The following MAML2 variants were observed in gnomAD, a reference collection of about 807,000 sequenced individuals.
MAML2 encodes the protein mastermind like transcriptional coactivator 2, also known as mastermind-like protein 2.
In MAML2, 22 loss-of-function variants were observed where a neutral mutation model predicts 96.1. That is an observed-to-expected ratio of 0.23 (90% CI 0.16 to 0.33). The LOEUF (loss-of-function observed/expected upper bound fraction) is 0.33. Among genes scored for constraint, MAML2 ranks in the 10% least tolerant of loss-of-function variants. The pLI, the probability that MAML2 is intolerant of heterozygous loss-of-function variation, is 1.00. For missense variants in MAML2, 1,367 were observed against 1,392.4 expected, an observed-to-expected ratio of 0.98 and a Z score of 0.29; for synonymous variants, 561 against 521.3, an observed-to-expected ratio of 1.08 and a Z score of -1.04.
chr11:96,002,035 G>C (rs566795973), intron 2 of MAML2, among the ~76,000 whole-genome samples: 12 of 152,078 alleles, frequency 7.9e-5, no homozygotes, highest in African/African-American at 2.9e-4. Context: ...TTTTTTTCAG[G>C]AAGCCTTCTC....
intron 4 of MAML2, among the ~76,000 whole-genome samples, chr11:95,982,850 A>T (rs781660375): frequency 3.3e-5 from 5 of 152,080 alleles, no homozygotes; most frequent in Non-Finnish European, 7.4e-5. Flanking sequence ...TTTAGAGGAC[A>T]CTCTAAAATA....
chr11:96,057,403 A>G (rs75052682), intron 2 of MAML2, among the ~76,000 whole-genome samples: 1 of 152,098 alleles, frequency 6.6e-6, no homozygotes, highest in African/African-American at 2.4e-5. Flanking sequence ...CCATTTATCT[A>G]TCCATCTATT....
intron 1 of MAML2, among the ~76,000 whole-genome samples, chr11:96,153,577 G>A (rs1479627288): frequency 6.6e-6 from 1 of 152,112 alleles, no homozygotes; most frequent in African/African-American, 2.4e-5. Context: ...AAGCAAGTGA[G>A]GTAGTGGCCT....
chr11:96,065,364 G>A (rs944133426), intron 2 of MAML2, among the ~76,000 whole-genome samples: 2 of 151,846 alleles, frequency 1.3e-5, no homozygotes, highest in African/African-American at 4.8e-5. Flanking sequence ...GTCAGTCCTG[G>A]TATACAGCAC....
intron 1 of MAML2, among the ~76,000 whole-genome samples, chr11:96,102,650 C>G (rs1207799942): frequency 6.6e-6 from 1 of 152,144 alleles, no homozygotes; most frequent in African/African-American, 2.4e-5. Context: ...CCCATGTAGT[C>G]TACTACATTA....
Position 95,979,181 on chromosome 11 carries a change from G to T in MAML2, c.3238C>A (p.Pro1080Thr). The change falls in exon 5 of 5, where the codon CCA becomes ACA. Residue 1080 changes from proline to threonine, a missense_variant. Physicochemically the swap from Pro to Thr is conservative, Grantham distance 38. Coordinates refer to ENST00000524717, the MANE Select transcript of MAML2 (RefSeq NM_032427.4). The stretch of plus-strand genomic sequence containing the variant: ...GGAAAATTGCTGGGCGTCAGGGATG[G>T]TGGCTGGTTGATGCCCGTCCTCGAC... The part of the protein sequence containing the change: ...NQSRTGINQP[P>T]SLTPSNFPSP... 1 of 1,613,984 alleles carries T rather than the reference G, an allele frequency of 6.2e-7. No homozygotes were observed. The highest frequency in any genetic ancestry group is 8.5e-7 in the Non-Finnish European group (1 of 1,179,886).
At chr11:96,174,304 C>CT (rs1861348497) in intron 1 of MAML2, among the ~76,000 whole-genome samples, 1 of 152,260 alleles carries the variant, frequency 6.6e-6, no homozygotes. Flanking sequence ...TCTGTGAACA[C>CT]TCCCCCAGGA....
At chr11:96,106,383 A>G (rs914475044) in intron 1 of MAML2, among the ~76,000 whole-genome samples, 3 of 152,222 alleles carry the variant, frequency 2.0e-5, no homozygotes, top group Non-Finnish European at 1.5e-5. Flanking sequence ...GAACACGCTT[A>G]TGAATTTCTT....
At chr11:96,230,522 C>A (rs915609546) in intron 1 of MAML2, among the ~76,000 whole-genome samples, 3 of 152,158 alleles carry the variant, frequency 2.0e-5, no homozygotes, top group Non-Finnish European at 4.4e-5. Context: ...ATCCTATATG[C>A]AGAGTTGAAG....
At chr11:95,998,141 A>AGTCAGTCTGTCTGTCT (rs369718219) in intron 2 of MAML2, among the ~76,000 whole-genome samples, 16 of 143,544 alleles carry the variant, frequency 1.1e-4, no homozygotes, top group Admixed American at 7.7e-4. Context: ...TCTGTCTGTC[A>AGTCAGTCTGTCTGTCT]GTCTGTCTGT....
chr11:96,045,838 G>A (rs1045982807), intron 2 of MAML2, among the ~76,000 whole-genome samples: 1 of 150,702 alleles, frequency 6.6e-6, no homozygotes, highest in African/African-American at 2.4e-5. Context: ...GTAATAATGG[G>A]ATTTTTTTTC....
chr11:96,328,824 C>G (rs1000592717), intron 1 of MAML2, among the ~76,000 whole-genome samples: 6 of 151,930 alleles, frequency 3.9e-5, no homozygotes, highest in African/African-American at 1.5e-4. Context: ...AGGGTTTTAG[C>G]GATAAGAAAA....
intron 2 of MAML2, among the ~76,000 whole-genome samples, chr11:96,020,387 A>C (rs1356625387): frequency 6.6e-6 from 1 of 152,224 alleles, no homozygotes; most frequent in Non-Finnish European, 1.5e-5. Flanking sequence ...ACTCAGATTT[A>C]TAAAGGTCTC....
chr11:96,128,399 G>A (rs1302845691), intron 1 of MAML2, among the ~76,000 whole-genome samples: 1 of 151,576 alleles, frequency 6.6e-6, no homozygotes, highest in African/African-American at 2.4e-5. Context: ...CTCAGTCTCG[G>A]GAAAAAAAAA....
At position 95,979,287 on chromosome 11, in the gene MAML2, G is replaced by T; in HGVS notation, c.3132C>A (p.Leu1044=). The T allele has an allele frequency of 3.7e-6, 6 of 1,613,950 alleles. No individual in the cohort carries two copies. The highest frequency in any genetic ancestry group is 5.1e-6 in the Non-Finnish European group (6 of 1,179,882). Residue 1044 remains leucine (L), a synonymous_variant, in exon 5 of 5, where the codon CTC becomes CTA. Transcript: ENST00000524717. The part of the protein sequence containing the change: ...QTLNGQTMGP[L]RGLNLRPNQL... ...GATTGGGTCTGAGATTCAGACCCCT[G>T]AGGGGACCCATGGTTTGCCCATTTA...
rs7934999 is a variant in MAML2 at position 96,260,584 on chromosome 11, C to G, written c.513+80799G>C. ...TGCCCTCACTCCTCCCTCCAGTCTGCCAATGTGATACCTGCAGTTTAAGAC... is the reference window on the plus strand; with the variant it reads ...TGCCCTCACTCCTCCCTCCAGTCTGGCAATGTGATACCTGCAGTTTAAGAC... On this transcript the variant is annotated intron_variant, in intron 1 of 4. Transcript: ENST00000524717. Among the ~76,000 whole-genome samples the G allele has an allele frequency of 9.4e-3, 1,434 of 152,180 alleles. 23 individuals carry two copies. Among genetic ancestry groups the G allele is most frequent in the African/African-American group, 0.032 (1,312 of 41,512 alleles).
intron 1 of MAML2, among the ~76,000 whole-genome samples, chr11:96,128,942 G>T (rs982323496): frequency 6.6e-6 from 1 of 152,160 alleles, no homozygotes; most frequent in African/African-American, 2.4e-5. Flanking sequence ...GTCTCAGTAT[G>T]GCTCAGGCTG....
chr11:96,021,995 A>T (rs1858443366), intron 2 of MAML2, among the ~76,000 whole-genome samples: 1 of 152,118 alleles, frequency 6.6e-6, no homozygotes, highest in Non-Finnish European at 1.5e-5. Flanking sequence ...AACCTGGTTC[A>T]GGTTGAAGGA....
chr11:96,080,170 G>A (rs766982481), intron 2 of MAML2, among the ~76,000 whole-genome samples: 1 of 152,088 alleles, frequency 6.6e-6, no homozygotes, highest in Non-Finnish European at 1.5e-5. Flanking sequence ...GTGGCTAAAG[G>A]GAAGAGGAAG....
Sources: gnomAD v4.1 joint callset for allele counts (sites outside exome capture counted in the v4.1 genomes callset) on GRCh38, gnomAD v4.1.1 for gene constraint, MANE v1.5 for transcripts, NCBI Gene and HGNC (gene_info 2026-07-23, HGNC 2026-07-21) for gene names.